OCA2: variants seen among roughly 807,000 people sequenced by gnomAD.
OCA2 encodes the protein P protein.
In OCA2, 77 loss-of-function variants were observed where a neutral mutation model predicts 100.2. The ratio of observed to expected loss-of-function variants is 0.77; its 90% CI spans 0.64 to 0.93. The LOEUF is 0.93. Among genes scored for constraint, OCA2 ranks in the 40% least tolerant of loss-of-function variants. The pLI is 0.00. For missense variants in OCA2, 1,062 were observed against 1,089.1 expected, an observed-to-expected ratio of 0.98 and a Z score of 0.35; for synonymous variants, 432 against 439.2, an observed-to-expected ratio of 0.98 and a Z score of 0.21.
chr15:27,821,476 G>A (rs2034499135), intron 23 of OCA2, among the ~76,000 whole-genome samples: 1 of 151,780 alleles, frequency 6.6e-6, no homozygotes, highest in Non-Finnish European at 1.5e-5. Context: ...GCACAACTAT[G>A]CATATGCACG....
At chr15:27,797,508 T>C (rs2033394314) in intron 23 of OCA2, among the ~76,000 whole-genome samples, 1 of 152,120 alleles carries the variant, frequency 6.6e-6, no homozygotes, top group South Asian at 2.1e-4. Flanking sequence ...GCAGGCGTGT[T>C]CAGAAACACA....
chr15:27,799,536 G>A (rs1290023001), intron 23 of OCA2, among the ~76,000 whole-genome samples: 2 of 152,106 alleles, frequency 1.3e-5, no homozygotes, highest in Non-Finnish European at 2.9e-5. Flanking sequence ...CCTGAGGTCA[G>A]GAGCTCGAGA....
chr15:27,896,104 A>G, intron 19 of OCA2: 1 of 1,157,552 alleles, frequency 8.6e-7, no homozygotes, highest in Non-Finnish European at 1.3e-6. Flanking sequence ...ATTGATGGTC[A>G]GCCAAGTGCC....
intron 18 of OCA2, among the ~76,000 whole-genome samples, chr15:27,931,838 GTATACCCACTTGTCTAC>G (rs1471361700): frequency 1.3e-5 from 2 of 152,170 alleles, no homozygotes; most frequent in African/African-American, 4.8e-5. Flanking sequence ...GCTTTCCAAA[GTATACCCACTTGTCTAC>G]TTTTGCAAGA....
At chr15:27,782,411 G>A (rs1028335834) in intron 23 of OCA2, among the ~76,000 whole-genome samples, 5 of 152,246 alleles carry the variant, frequency 3.3e-5, no homozygotes, top group African/African-American at 1.2e-4. Flanking sequence ...AATGCAAGAT[G>A]AGGGAAAACT....
Position 27,926,135 on chromosome 15 carries a change from G to A in OCA2, c.2071C>T (p.Leu691=), listed in dbSNP as rs780011438. The change falls in exon 19 of 24, where the codon CTG becomes TTG. Residue 691 remains leucine (L), a synonymous_variant. Coordinates refer to ENST00000354638, the MANE Select transcript of OCA2 (RefSeq NM_000275.3). ...AAGTTCTAAAATCTTACCTCCATCA[G>A]AACAAAGAGCGCTGCAAAAAACAGA... ...TLLFFAALFV[L]MEALAHLHLI... is the part of the protein sequence containing the mutation. The A allele has an allele frequency of 2.5e-6, 4 of 1,614,068 alleles. No homozygotes were observed. The highest frequency in any genetic ancestry group is 3.4e-6 in the Non-Finnish European group (4 of 1,179,978).
intron 16 of OCA2, 41 bp from the exon 17 acceptor site, chr15:27,955,256 G>T: frequency 1.4e-6 from 2 of 1,455,826 alleles, no homozygotes; most frequent in Non-Finnish European, 9.7e-7. Flanking sequence ...CCCTGGTCAC[G>T]CTGCGTGGTG....
At chr15:27,989,207 G>T (rs1030573313) in intron 11 of OCA2, among the ~76,000 whole-genome samples, 1 of 152,008 alleles carries the variant, frequency 6.6e-6, no homozygotes, top group Non-Finnish European at 1.5e-5. Context: ...ATGATCAATT[G>T]GTAAACACCC....
At chr15:27,781,400 TCAAAGCAAACCATCC>T (rs999058779) in intron 23 of OCA2, among the ~76,000 whole-genome samples, 3 of 152,154 alleles carry the variant, frequency 2.0e-5, no homozygotes, top group African/African-American at 4.8e-5. Flanking sequence ...CCTCACATAT[TCAAAGCAAACCATCC>T]CAGCACCACA....
chr15:27,723,971 C>G, the OCA2 span, among the ~76,000 whole-genome samples: 1 of 152,156 alleles, frequency 6.6e-6, no homozygotes, highest in South Asian at 2.1e-4. Context: ...GCAGCCCTGC[C>G]GTCAGCTCCT....
downstream of OCA2, among the ~76,000 whole-genome samples, chr15:27,753,528 T>G (rs905151968): frequency 2.0e-4 from 31 of 151,832 alleles, no homozygotes; most frequent in African/African-American, 7.3e-4. Context: ...GGTCAGGAGA[T>G]CGAGACCATC....
intron 9 of OCA2, among the ~76,000 whole-genome samples, chr15:27,999,086 T>C (rs1303662462): frequency 6.6e-6 from 1 of 151,756 alleles, no homozygotes; most frequent in Non-Finnish European, 1.5e-5. Context: ...CATTAGGAGA[T>C]ATACCTAATG....
intron 14 of OCA2, among the ~76,000 whole-genome samples, chr15:27,980,596 T>A (rs892739070): frequency 6.6e-6 from 1 of 152,204 alleles, no homozygotes; most frequent in Non-Finnish European, 1.5e-5. Context: ...CTTTTTAGCT[T>A]TTCTATATGA....
intron 19 of OCA2, among the ~76,000 whole-genome samples, chr15:27,918,207 T>C (rs4778131): frequency 0.73 from 110,378 of 150,782 alleles, 41,589 homozygotes; most frequent in East Asian, 1. Context: ...GATTCTCCTG[T>C]CTCAGCCTCC....
intron 23 of OCA2, among the ~76,000 whole-genome samples, chr15:27,774,028 G>GT (rs892715976): frequency 2.6e-5 from 4 of 151,950 alleles, no homozygotes; most frequent in African/African-American, 7.2e-5. Flanking sequence ...TGTTTCTATG[G>GT]TTTTTTTTCT....
At chr15:28,096,917 G>C (rs948554316) in intron 1 of OCA2, among the ~76,000 whole-genome samples, 5 of 152,006 alleles carry the variant, frequency 3.3e-5, no homozygotes, top group Non-Finnish European at 7.4e-5. Context: ...CAAACGCGCA[G>C]CCGGGCACGC....
intron 19 of OCA2, among the ~76,000 whole-genome samples, chr15:27,897,770 T>C (rs906596927): frequency 2.0e-5 from 3 of 152,124 alleles, no homozygotes; most frequent in Non-Finnish European, 4.4e-5. Context: ...CACTGACAGC[T>C]TGCACCGTGC....
In OCA2 at chr15:28,043,475, A is replaced by T. The variant is rs902836082; in HGVS notation, c.228-11312T>A. ...GGTGCCCATTTTTTCTGGGGCTTACACACAGGTAGTAAAACAGAACATTCG... is the reference window on the plus strand; with the variant it reads ...GGTGCCCATTTTTTCTGGGGCTTACTCACAGGTAGTAAAACAGAACATTCG... On this transcript the variant is annotated intron_variant, in intron 2 of 23. Transcript: ENST00000354638. The surrounding 1 kb of genome is among the most constrained non-coding windows in gnomAD (Gnocchi z 4.4). Among the ~76,000 whole-genome samples the T allele has an allele frequency of 6.6e-6, 1 of 152,246 alleles. No individual in the cohort carries two copies. Among genetic ancestry groups the T allele is most frequent in the Admixed American group, 6.5e-5 (1 of 15,290 alleles).
rs1019498370 is a variant in OCA2 at position 28,084,928 on chromosome 15, CAG to C, written c.-21-3035_-21-3034del. Among the ~76,000 whole-genome samples, 7 of 152,170 alleles carry C rather than the reference CAG, an allele frequency of 4.6e-5. No homozygotes were observed. The South Asian group carries it at 1.2e-3, about 27-fold the overall frequency. Reference sequence around the variant, plus strand: ...CAGAGTTTTATAGGCTATTACGTGTCAGGGGGACATCCACCACTTTGCTGTAT... The same window carrying C: ...CAGAGTTTTATAGGCTATTACGTGTCGGGGACATCCACCACTTTGCTGTAT... On this transcript the variant is annotated intron_variant, in intron 1 of 23. Coordinates refer to ENST00000354638, the MANE Select transcript of OCA2 (RefSeq NM_000275.3).
Sources: allele counts gnomAD v4.1 joint callset (sites outside exome capture counted in the v4.1 genomes callset), GRCh38; gene constraint gnomAD v4.1.1; non-coding constraint Gnocchi (gnomAD v3.1); transcripts MANE v1.5; gene names NCBI Gene and HGNC (gene_info 2026-07-23, HGNC 2026-07-21).